Variants in RAB33A observed in about 807,000 individuals in gnomAD.
RAB33A encodes RAB33A, member RAS oncogene family, also known as ras-related protein Rab-33A.
Under a neutral mutation model 12.0 loss-of-function variants are expected in RAB33A, and 6 were observed. The observed-to-expected ratio is 0.50, with a 90% CI of 0.27 to 0.99. The LOEUF (loss-of-function observed/expected upper bound fraction) is 0.99. RAB33A is among the 50% of genes least tolerant of loss of function. The probability of loss-of-function intolerance (pLI) is 0.11; values close to 1 mark genes in which losing one functional copy is unlikely to be tolerated. For synonymous variants in RAB33A, 70 were observed against 82.4 expected (o/e 0.85, Z 0.81); for missense variants, 109 against 192.0 (o/e 0.57, Z 2.55).
chrX:130,173,452 G>A (rs1252896685), intron 1 of RAB33A, among the ~76,000 whole-genome samples: 3 of 111,722 alleles, frequency 2.7e-5, no homozygotes, highest in Non-Finnish European at 5.6e-5. Context: ...TCCTCTGAGT[G>A]ACGTGGAGAG....
chrX:130,173,397 G>C (rs2031633202), intron 1 of RAB33A, among the ~76,000 whole-genome samples: 1 of 111,740 alleles, frequency 8.9e-6, no homozygotes, highest in African/African-American at 3.3e-5. Context: ...GTGACAGTAA[G>C]CCTCCTTCTT....
chrX:130,143,744 G>A, the RAB33A span, among the ~76,000 whole-genome samples: 14 of 110,687 alleles, frequency 1.3e-4, no homozygotes, highest in Admixed American at 1.3e-3. Flanking sequence ...CTACTTGGGA[G>A]GCTGAGGCAG....
At chrX:130,121,646 C>T in the RAB33A span, among the ~76,000 whole-genome samples, 1 of 112,781 alleles carries the variant, frequency 8.9e-6, no homozygotes, top group Non-Finnish European at 1.9e-5. Flanking sequence ...TGGGAGTCCC[C>T]GTGGAGATCT....
the RAB33A span, chrX:130,136,038 C>T: frequency 1.7e-6 from 2 of 1,211,756 alleles, no homozygotes; most frequent in South Asian, 3.5e-5. Context: ...TGCTGTAGCA[C>T]ACTTACCACC....
At chrX:130,141,898 G>C in the RAB33A span, among the ~76,000 whole-genome samples, 2 of 111,863 alleles carry the variant, frequency 1.8e-5, no homozygotes, top group Non-Finnish European at 1.9e-5. Context: ...TATTTGACTA[G>C]CTGCTCCATT....
rs1056454316 is a variant in RAB33A, at chrX:130,176,426, T to C, written c.258+4106T>C. The stretch of plus-strand genomic sequence containing the variant: ...CTGGGCACTCCCTGTGCCCCAGCCC[T>C]GGGGACAAGACAAACTGCAGGTCAG... On this transcript the variant is annotated intron_variant, in intron 1 of 1. Coordinates refer to ENST00000257017, the MANE Select transcript of RAB33A (RefSeq NM_004794.3). 3.6e-5 allele frequency among the ~76,000 whole-genome samples: 4 copies of C among 111,944 alleles called. No homozygotes were observed. The Admixed American group carries it at 3.8e-4, about 11-fold the overall frequency.
the RAB33A span, among the ~76,000 whole-genome samples, chrX:130,136,446 G>T: frequency 8.9e-6 from 1 of 112,292 alleles, no homozygotes; most frequent in Non-Finnish European, 1.9e-5. Flanking sequence ...GGGGCTAAGG[G>T]AAAGTGGTTC....
chrX:130,111,015 AG>A, the RAB33A span, among the ~76,000 whole-genome samples: 7 of 35,003 alleles, frequency 2.0e-4, no homozygotes, highest in Non-Finnish European at 3.2e-4. Flanking sequence ...GGGGTGGGGG[AG>A]GGAACGAGGG....
At chrX:130,164,844 G>A in the RAB33A span, among the ~76,000 whole-genome samples, 1 of 111,648 alleles carries the variant, frequency 9.0e-6, no homozygotes, top group Non-Finnish European at 1.9e-5. Flanking sequence ...CTGTGCCTCA[G>A]TTTATTATCT....
chrX:130,171,900 C>T (rs2031611000), upstream of RAB33A: 3 of 565,474 alleles, frequency 5.3e-6, no homozygotes, highest in East Asian at 3.9e-5. Context: ...CCTTCACGCG[C>T]GCGCGCGCAC....
chrX:130,165,518 G>A, the RAB33A span: 1 of 1,131,415 alleles, frequency 8.8e-7, no homozygotes, highest in East Asian at 3.2e-5. Flanking sequence ...CCAGGCCCTC[G>A]GACTTGGAGG....
At chrX:130,139,975 T>C in the RAB33A span, 2 of 699,238 alleles carry the variant, frequency 2.9e-6, no homozygotes, top group South Asian at 2.1e-5. Context: ...CTTAGCACCA[T>C]GGCGGCAACA....
At chrX:130,137,531 A>C in the RAB33A span, 1 of 1,164,700 alleles carries the variant, frequency 8.6e-7, no homozygotes, top group African/African-American at 1.8e-5. Flanking sequence ...TATATCTGAA[A>C]AAGAACATTA....
the RAB33A span, among the ~76,000 whole-genome samples, chrX:130,149,173 C>T: frequency 2.7e-5 from 3 of 111,232 alleles, no homozygotes; most frequent in African/African-American, 9.8e-5. Context: ...CCGCACATCT[C>T]GGCCTCACAA....
At chrX:130,166,294 C>T in the RAB33A span, among the ~76,000 whole-genome samples, 3 of 111,526 alleles carry the variant, frequency 2.7e-5, no homozygotes, top group Non-Finnish European at 5.6e-5. Flanking sequence ...GGCTCTTTCC[C>T]ACCCAACCCG....
chrX:130,112,872 AT>A, the RAB33A span, among the ~76,000 whole-genome samples: 1 of 110,172 alleles, frequency 9.1e-6, no homozygotes, highest in Non-Finnish European at 1.9e-5. Flanking sequence ...TCTCAAAAAA[AT>A]AAATAAATTA....
the RAB33A span, among the ~76,000 whole-genome samples, chrX:130,150,485 G>A: frequency 2.0e-5 from 2 of 101,904 alleles, no homozygotes; most frequent in South Asian, 9.3e-4. Context: ...ACAGGCGCCC[G>A]CCACTATGCC....
At chrX:130,179,604 C>T (rs749647845) in intron 1 of RAB33A, among the ~76,000 whole-genome samples, 9 of 108,344 alleles carry the variant, frequency 8.3e-5, no homozygotes, top group African/African-American at 1.4e-4. Context: ...CGGAACACCA[C>T]GGAGAGGTGG....
the RAB33A span, among the ~76,000 whole-genome samples, chrX:130,114,873 CT>C: frequency 1.8e-5 from 2 of 112,093 alleles, no homozygotes; most frequent in African/African-American, 6.5e-5. Flanking sequence ...ACAATCATAG[CT>C]TGCTGCAGCC....
Sources: gnomAD v4.1 joint callset for allele counts (sites outside exome capture counted in the v4.1 genomes callset) on GRCh38, gnomAD v4.1.1 for gene constraint, MANE v1.5 for transcripts, NCBI Gene and HGNC (gene_info 2026-07-23, HGNC 2026-07-21) for gene names.